SH2D4A: variants seen among roughly 807,000 people sequenced by gnomAD.
SH2D4A encodes SH2 domain-containing protein 4A.
SH2D4A carries 70 observed loss-of-function variants against 64.7 expected under a neutral mutation model. The ratio of observed to expected loss-of-function variants is 1.08; its 90% confidence interval spans 0.89 to 1.32. SH2D4A has a LOEUF of 1.32. Among genes scored for constraint, SH2D4A ranks in the 40% most tolerant of loss-of-function variants. The probability of loss-of-function intolerance (pLI) is 0.00; values close to 1 mark genes in which losing one functional copy is unlikely to be tolerated. For missense variants in SH2D4A, 706 were observed against 540.1 expected (o/e 1.31, Z -3.04); for synonymous variants, 268 against 200.7 (o/e 1.34, Z -2.83).
In SH2D4A at chr8:19,364,147, C is replaced by A. The variant is rs1296601522; in HGVS notation, c.782C>A (p.Ser261Tyr). 11 of 1,613,990 alleles carry A rather than the reference C, an allele frequency of 6.8e-6. No homozygotes were observed. The highest frequency in any genetic ancestry group is 3.3e-5 in the Admixed American group (2 of 59,998). Residue 261 changes from serine to tyrosine, a missense_variant, in exon 7 of 10, where the codon TCC becomes TAC. Physicochemically the swap from Ser to Tyr is moderately radical, Grantham distance 144. Transcript: ENST00000265807. The part of the protein sequence containing the change: ...KQAREDYKRL[S>Y]LGAQKGRGGE... ...GCACGAGAAGACTACAAGAGGTTATCCCTCGGGGCCCAGAAAGGAAGAGGC... is the reference window on the plus strand; with the variant it reads ...GCACGAGAAGACTACAAGAGGTTATACCTCGGGGCCCAGAAAGGAAGAGGC...
chr8:19,327,305 T>C (rs1318537709), intron 2 of SH2D4A, among the ~76,000 whole-genome samples: 7 of 152,160 alleles, frequency 4.6e-5, no homozygotes, highest in Non-Finnish European at 1.0e-4. Flanking sequence ...AAAAGCTCCC[T>C]CCTTCACTCA....
In SH2D4A at chr8:19,319,374, TTGG is replaced by T. The variant is rs1398578996; in HGVS notation, c.-171_-169del. 1.6e-6 allele frequency: 2 copies of T among 1,264,456 alleles called. No homozygotes were observed. The highest frequency in any genetic ancestry group is 3.1e-5 in the African/African-American group (2 of 64,772). 78.3% of individuals were successfully genotyped at this position (1,264,456 alleles called of 1,614,324 possible). A position where few individuals can be genotyped will look rare whatever the true frequency, so the allele number is the denominator to read the frequency against. ...GTGAACAGCATTTTGGACAGGACAT[TTGG>T]TGCCAGGTCTGAGTAGCCAGTTTGC... On this transcript the variant is annotated 5_prime_UTR_variant, in exon 2 of 10. Coordinates refer to ENST00000265807, the MANE Select transcript of SH2D4A (RefSeq NM_022071.4).
intron 2 of SH2D4A, among the ~76,000 whole-genome samples, chr8:19,329,728 G>C (rs953874436): frequency 1.3e-5 from 2 of 152,130 alleles, no homozygotes; most frequent in Non-Finnish European, 2.9e-5. Context: ...GAGATCTGAA[G>C]GTTTTATCAG....
chr8:19,369,869 C>G (rs899700290), intron 7 of SH2D4A, among the ~76,000 whole-genome samples: 4 of 146,734 alleles, frequency 2.7e-5, no homozygotes, highest in Admixed American at 1.3e-4. Context: ...GCATCAAGTT[C>G]TTGTTTTTCT....
chr8:19,332,125 A>G (rs1378068691), intron 2 of SH2D4A, among the ~76,000 whole-genome samples: 1 of 152,128 alleles, frequency 6.6e-6, no homozygotes, highest in African/African-American at 2.4e-5. Context: ...TACAAATAAA[A>G]TACAATATAA....
chr8:19,394,585 T>C lies in SH2D4A; in HGVS notation c.1308T>C (p.Leu436=). 2 of 1,607,930 alleles carry C rather than the reference T, an allele frequency of 1.2e-6. No individual in the cohort carries two copies. The highest frequency in any genetic ancestry group is 1.7e-6 in the Non-Finnish European group (2 of 1,176,674). ...TCACTTCCCTGGGGAAGGAGCTCCT[T>C]CTCTATCCCTGTGGTCAGCAGGACC... The part of the protein sequence containing the change: ...EPITSLGKEL[L]LYPCGQQDQL... Residue 436 remains leucine, a synonymous_variant, in exon 10 of 10, where the codon CTT becomes CTC. Coordinates refer to ENST00000265807, the MANE Select transcript of SH2D4A (RefSeq NM_022071.4).
At chr8:19,365,595 C>G (rs1174584631) in intron 7 of SH2D4A, among the ~76,000 whole-genome samples, 3 of 152,206 alleles carry the variant, frequency 2.0e-5, no homozygotes, top group Non-Finnish European at 4.4e-5. Flanking sequence ...TGTCCCACAG[C>G]ATTTTGAAGG....
intron 2 of SH2D4A, among the ~76,000 whole-genome samples, chr8:19,330,777 A>G (rs1280886740): frequency 1.3e-5 from 2 of 152,152 alleles, no homozygotes; most frequent in Non-Finnish European, 2.9e-5. Context: ...CAAAAAAAAA[A>G]TACCGACAGA....
intron 4 of SH2D4A, among the ~76,000 whole-genome samples, chr8:19,344,955 A>T (rs556373413): frequency 6.6e-6 from 1 of 152,090 alleles, no homozygotes; most frequent in Non-Finnish European, 1.5e-5. Flanking sequence ...ACCTTTTTGG[A>T]TTTTAAAATT....
chr8:19,357,422 C>G (rs551872876), intron 5 of SH2D4A, 139 bp downstream of exon 5: 2 of 690,354 alleles, frequency 2.9e-6, no homozygotes, highest in Admixed American at 2.5e-5. Context: ...GCTGCAAACA[C>G]AGTTCTGCAT....
chr8:19,379,170 C>A (rs962061397), intron 8 of SH2D4A, among the ~76,000 whole-genome samples: 1 of 152,054 alleles, frequency 6.6e-6, no homozygotes, highest in Admixed American at 6.6e-5. Context: ...TTTAATAATG[C>A]TCCATTCACC....
chr8:19,342,525 C>T (rs964850067), intron 4 of SH2D4A, among the ~76,000 whole-genome samples: 3 of 152,182 alleles, frequency 2.0e-5, no homozygotes, highest in African/African-American at 7.2e-5. Flanking sequence ...AGATAGCCCT[C>T]TACACATTTG....
Position 19,393,332 on chromosome 8 carries a change from A to G in SH2D4A, c.1063A>G (p.Lys355Glu). 1 of 1,614,172 alleles carries G rather than the reference A, an allele frequency of 6.2e-7. No individual in the cohort carries two copies. The highest frequency in any genetic ancestry group is 2.2e-5 in the East Asian group (1 of 44,882). Residue 355 changes from lysine (K) to glutamate (E), a missense_variant, in exon 9 of 10, where the codon AAG (lysine) becomes GAG (glutamate). Lys to Glu is a moderately conservative substitution (Grantham distance 56). Coordinates refer to ENST00000265807, the MANE Select transcript of SH2D4A (RefSeq NM_022071.4). ...APWFHGILTLKKANELLLSTG... is the reference protein window; with the variant it reads ...APWFHGILTLEKANELLLSTG... Reference sequence around the variant, plus strand: ...CTTTGCCACAGGAATTCTCACACTCAAGAAAGCAAATGAACTTCTTCTGAG... The same window carrying G: ...CTTTGCCACAGGAATTCTCACACTCGAGAAAGCAAATGAACTTCTTCTGAG...
At chr8:19,349,994 G>C (rs999047312) in intron 4 of SH2D4A, among the ~76,000 whole-genome samples, 1 of 152,212 alleles carries the variant, frequency 6.6e-6, no homozygotes, top group Non-Finnish European at 1.5e-5. Context: ...GTGAGCCACT[G>C]TGCCTAGCCT....
Position 19,316,968 on chromosome 8 carries a change from A to T in SH2D4A, c.-204-2376A>T, listed in dbSNP as rs115853780. Among the ~76,000 whole-genome samples, 503 of 152,312 alleles carry T rather than the reference A, an allele frequency of 3.3e-3. 5 individuals carry two copies. Among genetic ancestry groups the T allele is most frequent in the African/African-American group, 0.011 (468 of 41,568 alleles). Reference sequence around the variant, plus strand: ...AAGAAGTGTTAGCTGTGTTATCAGGAATATGCAGGGCGGGGGAGACTGGAG... The same window carrying T: ...AAGAAGTGTTAGCTGTGTTATCAGGTATATGCAGGGCGGGGGAGACTGGAG... On this transcript the variant is annotated intron_variant, in intron 1 of 9. Coordinates refer to ENST00000265807, the MANE Select transcript of SH2D4A (RefSeq NM_022071.4).
intron 1 of SH2D4A, among the ~76,000 whole-genome samples, chr8:19,318,948 A>C (rs1005409241): frequency 6.6e-6 from 1 of 150,448 alleles, no homozygotes; most frequent in Non-Finnish European, 1.5e-5. Flanking sequence ...TGAAATAGGT[A>C]CTTTGCAGAG....
intron 7 of SH2D4A, among the ~76,000 whole-genome samples, chr8:19,368,799 C>T (rs2053046287): frequency 6.6e-6 from 1 of 152,072 alleles, no homozygotes; most frequent in Non-Finnish European, 1.5e-5. Context: ...TTGAGTTCCT[C>T]TTTTCCAATT....
chr8:19,362,782 A>G (rs1431153704), intron 6 of SH2D4A, among the ~76,000 whole-genome samples: 1 of 152,148 alleles, frequency 6.6e-6, no homozygotes, highest in Non-Finnish European at 1.5e-5. Context: ...AGACACACAC[A>G]TACAGAAAAC....
intron 1 of SH2D4A, 176 bp downstream of exon 1, chr8:19,313,999 G>A (rs947506802): frequency 6.3e-5 from 77 of 1,231,426 alleles, no homozygotes; most frequent in East Asian, 6.1e-4. Flanking sequence ...GGGCTCAGGT[G>A]CGGGGTTGGG....
Sources: allele counts gnomAD v4.1 joint callset (sites outside exome capture counted in the v4.1 genomes callset), GRCh38; gene constraint gnomAD v4.1.1; transcripts MANE v1.5; gene names NCBI Gene and HGNC (gene_info 2026-07-23, HGNC 2026-07-21).